Variants in SCAI observed in about 807,000 individuals in gnomAD.
SCAI encodes suppressor of cancer cell invasion.
Under a neutral mutation model 92.2 loss-of-function variants are expected in SCAI, and 24 were observed. That is an observed-to-expected ratio of 0.26 (90% CI 0.19 to 0.37). The LOEUF is 0.37. SCAI is among the 10% of genes least tolerant of loss of function. The pLI is 1.00. For missense variants in SCAI, 450 were observed against 736.2 expected, an observed-to-expected ratio of 0.61 and a Z score of 4.50; for synonymous variants, 261 against 258.6, an observed-to-expected ratio of 1.01 and a Z score of -0.09.
At chr9:125,071,843 G>A (rs1222308945) in intron 2 of SCAI, among the ~76,000 whole-genome samples, 1 of 152,140 alleles carries the variant, frequency 6.6e-6, no homozygotes, top group African/African-American at 2.4e-5. Context: ...ATTTTCTCTA[G>A]TGCACACTGG....
At chr9:125,094,585 T>C (rs1367544919) in intron 2 of SCAI, among the ~76,000 whole-genome samples, 1 of 152,178 alleles carries the variant, frequency 6.6e-6, no homozygotes. Flanking sequence ...CACTGAAGCC[T>C]CGACCTCCTG....
At position 124,971,429 on chromosome 9, in the gene SCAI, A is replaced by C. The variant is rs754093354; in HGVS notation, c.1615T>G (p.Leu539Val). 6.2e-7 allele frequency: 1 copy of C among 1,613,180 alleles called. No individual in the cohort carries two copies. Among genetic ancestry groups the C allele is most frequent in the Non-Finnish European group, 8.5e-7 (1 of 1,179,728 alleles). ...CAAAAGATAAATCTTGTGAGGAGCA[A>C]GCGAAGAAATTCATCTCCAAAAAAC... ...LQFFGDEFLR[L>V]LLTRFIFCSA... The change falls in exon 17 of 18, where the codon TTG (leucine) becomes GTG (valine). Residue 539 changes from leucine to valine, a missense_variant. By Grantham distance (32) the Leu-to-Val change is conservative. Around this residue, in one of 3 missense-constraint regions of SCAI, gnomAD observed 360 missense variants for 601.8 expected, o/e 0.60. Transcript: ENST00000336505.
chr9:125,138,729 A>G (rs1000634269), intron 2 of SCAI, among the ~76,000 whole-genome samples: 1 of 151,858 alleles, frequency 6.6e-6, no homozygotes, highest in African/African-American at 2.4e-5. Context: ...TTGTATTTTT[A>G]ATAGAAATGG....
At chr9:125,071,243 T>C (rs1833973809) in intron 2 of SCAI, among the ~76,000 whole-genome samples, 1 of 152,012 alleles carries the variant, frequency 6.6e-6, no homozygotes. Flanking sequence ...AAAATTTTTG[T>C]AAAAAATCAG....
At chr9:125,094,125 A>G (rs1461928042) in intron 2 of SCAI, among the ~76,000 whole-genome samples, 4 of 152,190 alleles carry the variant, frequency 2.6e-5, no homozygotes, top group African/African-American at 4.8e-5. Context: ...CTTTTAAAAT[A>G]TGTCAAATTC....
chr9:125,136,560 A>C (rs1835536107), intron 2 of SCAI, among the ~76,000 whole-genome samples: 2 of 139,860 alleles, frequency 1.4e-5, no homozygotes. Flanking sequence ...TCCCAGGTTG[A>C]AGCGATTCTC....
chr9:125,048,065 G>C (rs1186130638), intron 3 of SCAI, among the ~76,000 whole-genome samples: 1 of 151,914 alleles, frequency 6.6e-6, no homozygotes, highest in African/African-American at 2.4e-5. Flanking sequence ...TGCAACCTCT[G>C]CTGCTCAGGT....
At chr9:125,130,183 G>C (rs969651172) in intron 2 of SCAI, among the ~76,000 whole-genome samples, 2 of 152,110 alleles carry the variant, frequency 1.3e-5, no homozygotes, top group Non-Finnish European at 2.9e-5. Context: ...ACAGGCATGA[G>C]CCACCACGTC....
At chr9:125,078,149 C>T (rs909004190) in intron 2 of SCAI, among the ~76,000 whole-genome samples, 22 of 151,862 alleles carry the variant, frequency 1.4e-4, no homozygotes, top group Admixed American at 1.1e-3. Context: ...GAGTTGTCTT[C>T]ACTTTTTTGG....
chr9:125,084,754 C>T (rs957017473), intron 2 of SCAI, among the ~76,000 whole-genome samples: 1 of 152,170 alleles, frequency 6.6e-6, no homozygotes, highest in African/African-American at 2.4e-5. Flanking sequence ...GAAATGAAAA[C>T]AGACTCATCA....
At position 124,944,398 on chromosome 9, in the gene SCAI, C is replaced by G. The variant is rs1325553238; in HGVS notation, c.*8409G>C. ...ACTGCAACCTCCGCCTCCCAGGTTA[C>G]AAGCAGTTCTCCTGCCTCAGCCTCC... On this transcript the variant is annotated 3_prime_UTR_variant, in exon 18 of 18. Coordinates refer to ENST00000336505, the MANE Select transcript of SCAI (RefSeq NM_001144877.3). The G allele has an allele frequency of 1.6e-4, 3 of 18,724 alleles. No homozygotes were observed. 1.2% of individuals were successfully genotyped at this position (18,724 alleles called of 1,614,324 possible).
At chr9:125,076,414 G>A (rs543293621) in intron 2 of SCAI, among the ~76,000 whole-genome samples, 3 of 152,156 alleles carry the variant, frequency 2.0e-5, no homozygotes, top group South Asian at 4.2e-4. Context: ...TAGGAGAATC[G>A]CTTGAACCCA....
chr9:124,961,711 G>C (rs894943689), intron 17 of SCAI, among the ~76,000 whole-genome samples: 3 of 150,656 alleles, frequency 2.0e-5, no homozygotes, highest in African/African-American at 7.3e-5. Context: ...GGACAAATAT[G>C]TCAGAACTCA....
intron 2 of SCAI, 29 bp downstream of exon 2, chr9:125,142,604 T>G: frequency 6.2e-7 from 1 of 1,600,556 alleles, no homozygotes; most frequent in Non-Finnish European, 8.6e-7. Context: ...AAGAAAAACA[T>G]GAAGCAAAAT....
In SCAI at chr9:124,943,230, T is replaced by C. The variant is rs913946804; in HGVS notation, c.*9577A>G. 9 of 152,190 alleles carry C rather than the reference T, an allele frequency of 5.9e-5. No individual in the cohort carries two copies. Among genetic ancestry groups the C allele is most frequent in the Non-Finnish European group, 1.2e-4 (8 of 68,028 alleles). The allele number at this position is 152,190 out of a possible 1,614,324, so 9.4% of individuals were successfully genotyped here. ...GACAGTATAATTTTCCCCTTAGTCATTGGTAGTAAATAGCCCCTTCAAAAT... is the reference window on the plus strand; with the variant it reads ...GACAGTATAATTTTCCCCTTAGTCACTGGTAGTAAATAGCCCCTTCAAAAT... On this transcript the variant is annotated 3_prime_UTR_variant, in exon 18 of 18. Coordinates refer to ENST00000336505, the MANE Select transcript of SCAI (RefSeq NM_001144877.3).
intron 15 of SCAI, among the ~76,000 whole-genome samples, chr9:124,973,071 G>A (rs1286313787): frequency 6.6e-6 from 1 of 152,108 alleles, no homozygotes; most frequent in Non-Finnish European, 1.5e-5. Flanking sequence ...AGATGTCCTG[G>A]GGACAGGTCC....
intron 2 of SCAI, among the ~76,000 whole-genome samples, chr9:125,110,031 T>C (rs1261273920): frequency 6.6e-6 from 1 of 152,118 alleles, no homozygotes; most frequent in Non-Finnish European, 1.5e-5. Context: ...TTATAGGCCT[T>C]AAGACTCAGA....
rs141051841 is a variant in SCAI, at chr9:125,023,851, C to T, written c.512+2961G>A. Among the ~76,000 whole-genome samples the T allele has an allele frequency of 1.7e-3, 260 of 152,054 alleles. 1 individual carries two copies. Among genetic ancestry groups the T allele is most frequent in the African/African-American group, 6.1e-3 (253 of 41,498 alleles). ...ACTGCAGCAAAGCACAGATTAAATG[C>T]GTCAGTGCTGTCCACTCATACATAA... On this transcript the variant is annotated intron_variant, in intron 6 of 17. Coordinates refer to ENST00000336505, the MANE Select transcript of SCAI (RefSeq NM_001144877.3).
intron 2 of SCAI, among the ~76,000 whole-genome samples, chr9:125,104,212 G>A (rs931535152): frequency 1.3e-5 from 2 of 152,160 alleles, no homozygotes; most frequent in Admixed American, 6.5e-5. Flanking sequence ...AATTACAACA[G>A]AGCTGACATC....
Sources: allele counts gnomAD v4.1 joint callset (sites outside exome capture counted in the v4.1 genomes callset), GRCh38; gene constraint gnomAD v4.1.1; regional missense constraint gnomAD v4.1.1; transcripts MANE v1.5; gene names NCBI Gene and HGNC (gene_info 2026-07-23, HGNC 2026-07-21).